NADK2: variants seen among roughly 807,000 people sequenced by gnomAD.
NADK2 encodes the protein NAD kinase domain-containing protein 1, mitochondrial.
In NADK2, 35 loss-of-function variants were observed where a neutral mutation model predicts 62.1. The observed-to-expected ratio is 0.56, with a 90% CI of 0.43 to 0.75. The LOEUF is 0.75. Among genes scored for constraint, NADK2 ranks in the 30% least tolerant of loss-of-function variants. The pLI is 0.00. For missense variants in NADK2, 439 were observed against 561.3 expected (o/e 0.78, Z 2.20); for synonymous variants, 205 against 207.9 (o/e 0.99, Z 0.12).
chr5:36,210,186 C>T (rs900179675), intron 7 of NADK2, among the ~76,000 whole-genome samples: 1 of 152,052 alleles, frequency 6.6e-6, no homozygotes, highest in African/African-American at 2.4e-5. Context: ...AATCTTCTAC[C>T]CTTAATTTAC....
At chr5:36,213,280 ATT>A (rs759614863) in intron 6 of NADK2, 6 of 152,188 alleles carry the variant, frequency 3.9e-5, no homozygotes, top group Non-Finnish European at 8.8e-5. Context: ...AAACTGAGTG[ATT>A]TGTTATACAA....
intron 11 of NADK2, among the ~76,000 whole-genome samples, chr5:36,196,571 T>C (rs1054908352): frequency 6.6e-6 from 1 of 152,176 alleles, no homozygotes; most frequent in African/African-American, 2.4e-5. Context: ...TTTCTCGCTC[T>C]GCCTTTTTGT....
chr5:36,192,754 T>C lies in NADK2; in HGVS notation c.*2390A>G, dbSNP rs1746064226. On this transcript the variant is annotated 3_prime_UTR_variant, in exon 12 of 12. Transcript: ENST00000381937. ...TTCTATGTCAAATGTTAACAGTGAA[T>C]GAAGTCAACAGGGCACAGAATAATA... The C allele has an allele frequency of 6.6e-6, 1 of 152,194 alleles. No homozygotes were observed. The highest frequency in any genetic ancestry group is 2.1e-4 in the South Asian group (1 of 4,828). 9.4% of individuals were successfully genotyped at this position (152,194 alleles called of 1,614,324 possible). A position where few individuals can be genotyped will look rare whatever the true frequency, so the allele number is the denominator to read the frequency against.
In NADK2 at chr5:36,206,084, G is replaced by A. The variant is rs75822277; in HGVS notation, c.956+1086C>T. Among the ~76,000 whole-genome samples the A allele has an allele frequency of 0.012, 1,846 of 152,074 alleles. 155 individuals carry two copies. In the East Asian group the frequency reaches 0.21, roughly 18 times the overall value. On this transcript the variant is annotated intron_variant, in intron 8 of 11. Coordinates refer to ENST00000381937, the MANE Select transcript of NADK2 (RefSeq NM_001085411.3). ...CGCATGTTCTCACTCATAAGTAGGA[G>A]CTGAACAATCGGAACACATGGACAC...
intron 8 of NADK2, among the ~76,000 whole-genome samples, chr5:36,203,749 C>T (rs553365029): frequency 1.3e-5 from 2 of 152,200 alleles, no homozygotes; most frequent in South Asian, 4.1e-4. Flanking sequence ...AAAACTTGAA[C>T]TATCAAAATC....
Position 36,217,758 on chromosome 5 carries a change from A to ACAT in NADK2, c.770_771insATG (p.Ala257_His258insCys). On this transcript the variant is annotated inframe_insertion, in exon 6 of 12. Transcript: ENST00000381937. ...GCCCAATCCACCTACTTTCATCATG[A>ACAT]GCTCTTTCAATGTTAAGGGCTCTAT... 6.2e-7 allele frequency: 1 copy of ACAT among 1,613,820 alleles called. No homozygotes were observed. Among genetic ancestry groups the ACAT allele is most frequent in the Non-Finnish European group, 8.5e-7 (1 of 1,179,836 alleles).
At chr5:36,238,663 A>T (rs921323819) in intron 1 of NADK2, among the ~76,000 whole-genome samples, 1 of 152,226 alleles carries the variant, frequency 6.6e-6, no homozygotes, top group Admixed American at 6.5e-5. Flanking sequence ...CAACAGCTAC[A>T]TCTCTTAATG....
intron 8 of NADK2, 149 bp downstream of exon 8, chr5:36,207,021 A>C: frequency 1.5e-6 from 1 of 647,198 alleles, no homozygotes; most frequent in Non-Finnish European, 2.7e-6. Flanking sequence ...GGACTACTAG[A>C]CCCAAATGAT....
At chr5:36,211,019 T>A (rs1488315033) in intron 7 of NADK2, among the ~76,000 whole-genome samples, 1 of 151,950 alleles carries the variant, frequency 6.6e-6, no homozygotes, top group Non-Finnish European at 1.5e-5. Flanking sequence ...AAAACATTAA[T>A]AAAGCACCTG....
At chr5:36,234,359 C>A (rs977510174) in intron 1 of NADK2, among the ~76,000 whole-genome samples, 1 of 111,634 alleles carries the variant, frequency 9.0e-6, no homozygotes, top group African/African-American at 3.9e-5. Flanking sequence ...GGCGACAGAG[C>A]GAAACTCCGT....
intron 10 of NADK2, among the ~76,000 whole-genome samples, chr5:36,197,870 C>G (rs920148122): frequency 6.6e-6 from 1 of 151,802 alleles, no homozygotes; most frequent in Admixed American, 6.6e-5. Context: ...GATTTGCCCA[C>G]AGAAACATAC....
intron 6 of NADK2, among the ~76,000 whole-genome samples, chr5:36,213,854 G>A (rs1470188531): frequency 1.3e-5 from 2 of 151,922 alleles, no homozygotes; most frequent in Non-Finnish European, 2.9e-5. Context: ...AGGTACTCAT[G>A]AAATATTACC....
intron 10 of NADK2, 111 bp from the exon 11 acceptor site, chr5:36,197,775 TG>T (rs1350961961): frequency 5.6e-5 from 52 of 929,184 alleles, no homozygotes; most frequent in Non-Finnish European, 7.9e-5. Flanking sequence ...AAAGTATATT[TG>T]GGAACAAGTT....
chr5:36,209,216 G>T (rs554509614), intron 7 of NADK2, among the ~76,000 whole-genome samples: 145 of 152,180 alleles, frequency 9.5e-4, no homozygotes, highest in African/African-American at 3.3e-3. Flanking sequence ...ACAAAAAGCA[G>T]CAGCATCAGT....
intron 8 of NADK2, among the ~76,000 whole-genome samples, chr5:36,206,173 T>C (rs772425108): frequency 2.6e-4 from 40 of 152,004 alleles, no homozygotes; most frequent in Non-Finnish European, 4.3e-4. Context: ...GGGATAGCAT[T>C]AGGAGAAATA....
intron 1 of NADK2, among the ~76,000 whole-genome samples, chr5:36,237,857 A>G (rs1167868630): frequency 2.0e-5 from 3 of 152,300 alleles, no homozygotes; most frequent in East Asian, 3.9e-4. Flanking sequence ...TCATAAAACC[A>G]AAGTCTGGGA....
intron 1 of NADK2, among the ~76,000 whole-genome samples, chr5:36,232,306 T>C (rs1747737786): frequency 6.6e-6 from 1 of 152,212 alleles, no homozygotes; most frequent in South Asian, 2.1e-4. Flanking sequence ...GTATTGCTAT[T>C]TTGTACTCTA....
intron 1 of NADK2, among the ~76,000 whole-genome samples, chr5:36,234,010 TA>T (rs1166850224): frequency 6.6e-6 from 1 of 152,220 alleles, no homozygotes; most frequent in Non-Finnish European, 1.5e-5. Context: ...CTAATTACAA[TA>T]TTTTTTTAAT....
At position 36,195,298 on chromosome 5, in the gene NADK2, T is replaced by C; in HGVS notation, c.1191-16A>G. ...AACACAAACCCTAGGCAGAAGGAAA[T>C]ATCTCATTAAATAGTAATAGTTTTC... On this transcript the variant is annotated splice_polypyrimidine_tract_variant and intron_variant, in intron 11 of 11. Coordinates refer to ENST00000381937, the MANE Select transcript of NADK2 (RefSeq NM_001085411.3). The C allele has an allele frequency of 1.3e-6, 2 of 1,574,296 alleles. No homozygotes were observed. Among genetic ancestry groups the C allele is most frequent in the Non-Finnish European group, 1.7e-6 (2 of 1,155,150 alleles).
Sources: allele counts gnomAD v4.1 joint callset (sites outside exome capture counted in the v4.1 genomes callset), GRCh38; gene constraint gnomAD v4.1.1; transcripts MANE v1.5; gene names NCBI Gene and HGNC (gene_info 2026-07-23, HGNC 2026-07-21).